UBAP2: variants seen among roughly 807,000 people sequenced by gnomAD.
The protein encoded by UBAP2 is ubiquitin associated protein 2.
In UBAP2, 75 loss-of-function variants were observed where a neutral mutation model predicts 139.6. The ratio of observed to expected loss-of-function variants is 0.54; its 90% CI spans 0.45 to 0.65. The LOEUF is 0.65. UBAP2 is among the 30% of genes least tolerant of loss of function. The pLI is 0.00. For missense variants in UBAP2, 1,368 were observed against 1,369.6 expected, an observed-to-expected ratio of 1.00 and a Z score of 0.02; for synonymous variants, 526 against 526.2, an observed-to-expected ratio of 1.00 and a Z score of 0.01.
At chr9:33,938,787 C>T (rs1824820173) in intron 16 of UBAP2, 1 of 366,724 alleles carries the variant, frequency 2.7e-6, no homozygotes, top group Admixed American at 3.7e-5. Flanking sequence ...CAGAGCAAGA[C>T]TCCATCTCAA....
chr9:33,963,195 G>A (rs893320549), intron 9 of UBAP2, among the ~76,000 whole-genome samples: 2 of 152,054 alleles, frequency 1.3e-5, no homozygotes, highest in Non-Finnish European at 2.9e-5. Context: ...ATGATAGAGT[G>A]GTAAGTCAGG....
At chr9:33,958,466 A>G (rs1039916139) in intron 10 of UBAP2, among the ~76,000 whole-genome samples, 4 of 151,416 alleles carry the variant, frequency 2.6e-5, no homozygotes, top group Non-Finnish European at 5.9e-5. Context: ...GCTGGAGTGC[A>G]ATGGTGTGAT....
chr9:34,044,993 CTA>C (rs3061465), intron 1 of UBAP2, among the ~76,000 whole-genome samples: 84,751 of 151,394 alleles, frequency 0.56, 24,001 homozygotes, highest in East Asian at 0.81. Context: ...TTCAATTATG[CTA>C]TGTCCAGCAT....
At chr9:33,939,182 C>G (rs905497739) in intron 16 of UBAP2, among the ~76,000 whole-genome samples, 2 of 129,904 alleles carry the variant, frequency 1.5e-5, no homozygotes, top group African/African-American at 5.6e-5. Context: ...TATTTGATTT[C>G]CTATGTCTTT....
At chr9:34,024,342 C>CAA (rs11464111) in intron 1 of UBAP2, among the ~76,000 whole-genome samples, 29 of 144,618 alleles carry the variant, frequency 2.0e-4, no homozygotes, top group South Asian at 4.3e-4. Flanking sequence ...AACTCTGTCT[C>CAA]AAAAAAAAAA....
chr9:34,038,699 C>G (rs537807275), intron 1 of UBAP2, among the ~76,000 whole-genome samples: 2 of 152,120 alleles, frequency 1.3e-5, no homozygotes, highest in Admixed American at 6.6e-5. Flanking sequence ...TCTGCCCGGC[C>G]GCCACCCCGT....
Position 34,024,269 on chromosome 9 carries a change from G to A in UBAP2, c.-41-7080C>T, listed in dbSNP as rs183173104. Among the ~76,000 whole-genome samples, 369 of 151,928 alleles carry A rather than the reference G, an allele frequency of 2.4e-3. 2 individuals are homozygous for A. The highest frequency in any genetic ancestry group is 4.0e-3 in the Admixed American group (61 of 15,262). On this transcript the variant is annotated intron_variant, in intron 1 of 28. Coordinates refer to ENST00000379238, the MANE Select transcript of UBAP2 (RefSeq NM_001370062.2). The stretch of plus-strand genomic sequence containing the variant: ...AGGCAGGAGAATCGCTTGAACCCGG[G>A]AGGAAGAGGTTGCGGTGAGCCAAAA...
At chr9:33,985,800 T>A (rs1821158512) in intron 6 of UBAP2, among the ~76,000 whole-genome samples, 3 of 151,936 alleles carry the variant, frequency 2.0e-5, no homozygotes, top group African/African-American at 7.3e-5. Flanking sequence ...GGCAGGTGGA[T>A]CACTTGAGGC....
chr9:33,922,649 G>GC, intron 28 of UBAP2, 38 bp downstream of exon 28: 1 of 1,589,500 alleles, frequency 6.3e-7, no homozygotes, highest in Non-Finnish European at 8.6e-7. Context: ...AGAACCCCTG[G>GC]CCCAGAGTAG....
At position 33,996,304 on chromosome 9, in the gene UBAP2, A is replaced by G. The variant is rs1476465643; in HGVS notation, c.207T>C (p.Asp69=). The part of the protein sequence containing the change: ...QLMEVTGKNQ[D]ECIVALHDCN... ...AATCATGTAGGGCCACTATGCATTCATCCTGATTTTTCCCTGTCACTTCCA... is the reference window on the plus strand; with the variant it reads ...AATCATGTAGGGCCACTATGCATTCGTCCTGATTTTTCCCTGTCACTTCCA... Residue 69 remains aspartate, a synonymous_variant, in exon 4 of 29, where the codon GAT becomes GAC. Transcript: ENST00000379238. 1.2e-6 allele frequency: 2 copies of G among 1,613,582 alleles called. No homozygotes were observed. Among genetic ancestry groups the G allele is most frequent in the Non-Finnish European group, 1.7e-6 (2 of 1,179,952 alleles).
At chr9:34,003,625 T>C (rs1054784811) in intron 2 of UBAP2, among the ~76,000 whole-genome samples, 1 of 152,142 alleles carries the variant, frequency 6.6e-6, no homozygotes, top group Admixed American at 6.6e-5. Context: ...CAGGCTGGTC[T>C]TGAACTCCTG....
At chr9:34,041,736 C>T (rs1481042160) in intron 1 of UBAP2, among the ~76,000 whole-genome samples, 2 of 152,000 alleles carry the variant, frequency 1.3e-5, no homozygotes, top group South Asian at 2.1e-4. Flanking sequence ...AAGAAATCTA[C>T]ATGGGGGCTG....
At chr9:33,926,031 GAAGA>G in intron 22 of UBAP2, among the ~76,000 whole-genome samples, 1 of 152,328 alleles carries the variant, frequency 6.6e-6, no homozygotes, top group Admixed American at 6.5e-5. Flanking sequence ...CCAACGGTCA[GAAGA>G]AAGAGGCAAC....
chr9:34,003,219 C>G (rs536393221), intron 2 of UBAP2, among the ~76,000 whole-genome samples: 1 of 151,230 alleles, frequency 6.6e-6, no homozygotes, highest in South Asian at 2.1e-4. Context: ...TTGGTAGAGA[C>G]GGGGTTTCAC....
intron 7 of UBAP2, among the ~76,000 whole-genome samples, chr9:33,972,082 G>A (rs1017158143): frequency 3.3e-5 from 5 of 152,314 alleles, no homozygotes; most frequent in African/African-American, 1.2e-4. Context: ...GAGTCCTGCT[G>A]AAAAATAAGG....
intron 2 of UBAP2, among the ~76,000 whole-genome samples, chr9:33,999,930 C>A (rs1017378830): frequency 6.7e-6 from 1 of 149,014 alleles, no homozygotes; most frequent in South Asian, 2.2e-4. Context: ...GAGTCACACT[C>A]TGTCGCCCAG....
intron 6 of UBAP2, among the ~76,000 whole-genome samples, chr9:33,975,785 G>A (rs1168389692): frequency 1.5e-5 from 2 of 137,102 alleles, no homozygotes; most frequent in Non-Finnish European, 1.5e-5. Flanking sequence ...CTGGACAACT[G>A]AACAAGACTC....
chr9:33,948,205 G>C (rs1260929368), intron 13 of UBAP2, among the ~76,000 whole-genome samples, 169 bp downstream of exon 13: 2 of 152,088 alleles, frequency 1.3e-5, no homozygotes, highest in African/African-American at 2.4e-5. Context: ...ACAAATAAAT[G>C]CAAGTATTGT....
At chr9:33,925,688 TGGAAAGGGCTACTCTTCTG>T (rs1823368707) in intron 22 of UBAP2, among the ~76,000 whole-genome samples, 1 of 152,118 alleles carries the variant, frequency 6.6e-6, no homozygotes, top group Non-Finnish European at 1.5e-5. Flanking sequence ...GGCCAGCCAG[TGGAAAGGGCTACTCTTCTG>T]AAACAAGAGC....
Sources: allele counts gnomAD v4.1 joint callset (sites outside exome capture counted in the v4.1 genomes callset), GRCh38; gene constraint gnomAD v4.1.1; transcripts MANE v1.5; gene names NCBI Gene and HGNC (gene_info 2026-07-23, HGNC 2026-07-21).